Variants in CHD6 observed in about 807,000 individuals in gnomAD.
The protein encoded by CHD6 is ATP-dependent chromatin remodeler CHD6.
Under a neutral mutation model 276.9 loss-of-function variants are expected in CHD6, and 50 were observed. The observed-to-expected ratio is 0.18, with a 90% CI of 0.14 to 0.23. CHD6 has a LOEUF of 0.23. CHD6 is among the 10% of genes least tolerant of loss of function. The pLI, the probability that CHD6 is intolerant of heterozygous loss-of-function variation, is 1.00. For synonymous variants in CHD6, 1,173 were observed against 1,229.3 expected (o/e 0.95, Z 0.96); for missense variants, 2,564 against 3,365.8 (o/e 0.76, Z 5.89).
chr20:41,444,983 T>G (rs770519053), intron 25 of CHD6, among the ~76,000 whole-genome samples: 4 of 152,238 alleles, frequency 2.6e-5, no homozygotes, highest in Non-Finnish European at 4.4e-5. Flanking sequence ...AAAGTGTGTA[T>G]CAGGCATACT....
At chr20:41,613,438 G>T (rs2045907605) in intron 1 of CHD6, among the ~76,000 whole-genome samples, 1 of 152,192 alleles carries the variant, frequency 6.6e-6, no homozygotes, top group Admixed American at 6.5e-5. Flanking sequence ...GAGCCTCCAT[G>T]TCTCCCACTC....
At chr20:41,602,724 T>A (rs1438777718) in intron 1 of CHD6, among the ~76,000 whole-genome samples, 1 of 152,190 alleles carries the variant, frequency 6.6e-6, no homozygotes, top group Non-Finnish European at 1.5e-5. Context: ...AGTAAAACTT[T>A]TTTTGGAGAC....
intron 27 of CHD6, among the ~76,000 whole-genome samples, chr20:41,429,222 T>TC (rs1018939149): frequency 2.6e-5 from 4 of 152,190 alleles, no homozygotes; most frequent in African/African-American, 9.7e-5. Context: ...TGTGTTACTC[T>TC]CCCCACATAC....
chr20:41,503,693 C>T (rs2043893986), intron 5 of CHD6, among the ~76,000 whole-genome samples: 1 of 152,054 alleles, frequency 6.6e-6, no homozygotes, highest in Non-Finnish European at 1.5e-5. Context: ...TTGATATCTT[C>T]CATCAGTTTA....
intron 36 of CHD6, among the ~76,000 whole-genome samples, chr20:41,411,289 C>T (rs1052360393): frequency 5.9e-5 from 9 of 151,896 alleles, no homozygotes; most frequent in African/African-American, 2.2e-4. Flanking sequence ...CTAGGGTGGG[C>T]GGTCTTTTGG....
In CHD6 at chr20:41,508,461, G is replaced by A. The variant is rs142972236; in HGVS notation, c.852+4385C>T. On this transcript the variant is annotated intron_variant, in intron 5 of 36. Coordinates refer to ENST00000373233, the MANE Select transcript of CHD6 (RefSeq NM_032221.5). Reference sequence around the variant, plus strand: ...TTTTGGGAAAGTTATCCTGGTATCCGACTGGGGAGAGCAGAGACTTGTGGC... The same window carrying A: ...TTTTGGGAAAGTTATCCTGGTATCCAACTGGGGAGAGCAGAGACTTGTGGC... 2.6e-5 allele frequency among the ~76,000 whole-genome samples: 4 copies of A among 152,262 alleles called. No homozygotes were observed. In the East Asian group the frequency reaches 5.8e-4, roughly 22 times the overall value.
At chr20:41,617,240 G>A (rs1399410459) in intron 1 of CHD6, among the ~76,000 whole-genome samples, 1 of 152,086 alleles carries the variant, frequency 6.6e-6, no homozygotes, top group Non-Finnish European at 1.5e-5. Flanking sequence ...ACCTTGGCCA[G>A]ATTACTAATG....
chr20:41,410,364 A>G (rs1199727477), intron 36 of CHD6, among the ~76,000 whole-genome samples: 2 of 152,160 alleles, frequency 1.3e-5, no homozygotes, highest in Non-Finnish European at 2.9e-5. Flanking sequence ...CTCACCAGAT[A>G]CCCAATCTGT....
intron 17 of CHD6, among the ~76,000 whole-genome samples, chr20:41,468,393 A>C (rs2042978406): frequency 6.6e-6 from 1 of 152,132 alleles, no homozygotes; most frequent in Non-Finnish European, 1.5e-5. Flanking sequence ...TACAGGCATG[A>C]GCCACCGCGC....
chr20:41,457,034 A>G (rs2048396067), intron 18 of CHD6, among the ~76,000 whole-genome samples: 1 of 152,224 alleles, frequency 6.6e-6, no homozygotes, highest in Non-Finnish European at 1.5e-5. Context: ...TGTTACACCA[A>G]GCTGGGCAAT....
intron 3 of CHD6, among the ~76,000 whole-genome samples, chr20:41,518,256 T>C (rs867806770): frequency 4.6e-5 from 7 of 152,218 alleles, no homozygotes; most frequent in African/African-American, 1.7e-4. Context: ...TGTTTAACCT[T>C]CATTTTAAAT....
intron 27 of CHD6, among the ~76,000 whole-genome samples, chr20:41,427,451 C>T (rs1280707937): frequency 1.3e-5 from 2 of 152,188 alleles, no homozygotes; most frequent in Non-Finnish European, 2.9e-5. Context: ...GAAACCATTA[C>T]TATGCTCATT....
rs1459057806 is a variant in CHD6 at position 41,452,962 on chromosome 20, C to T, written c.3121-20G>A. On this transcript the variant is annotated intron_variant, in intron 20 of 36. Transcript: ENST00000373233. This position sits in a 1 kb window ranked among gnomAD's most constrained non-coding sequence, Gnocchi z 4.2. Reference sequence around the variant, plus strand: ...GCTTTCCTAGAAATGGAGAGGACTACTGGGAAGAAAGTCCTCTTTTCTCTA... The same window carrying T: ...GCTTTCCTAGAAATGGAGAGGACTATTGGGAAGAAAGTCCTCTTTTCTCTA... The T allele has an allele frequency of 1.3e-6, 2 of 1,594,572 alleles. No homozygotes were observed. The highest frequency in any genetic ancestry group is 1.1e-5 in the South Asian group (1 of 90,624).
At chr20:41,528,837 C>G (rs1309136921) in intron 3 of CHD6, among the ~76,000 whole-genome samples, 1 of 152,198 alleles carries the variant, frequency 6.6e-6, no homozygotes, top group East Asian at 1.9e-4. Context: ...TTAGAACAGA[C>G]ATGTTCAATA....
chr20:41,480,769 G>A (rs2043277011), intron 16 of CHD6, among the ~76,000 whole-genome samples: 1 of 152,154 alleles, frequency 6.6e-6, no homozygotes, highest in Non-Finnish European at 1.5e-5. Context: ...TGAGAAACTG[G>A]GGGAAGGTAG....
At chr20:41,617,118 T>C (rs188044951) in intron 1 of CHD6, among the ~76,000 whole-genome samples, 2 of 152,288 alleles carry the variant, frequency 1.3e-5, no homozygotes, top group Admixed American at 1.3e-4. Flanking sequence ...AAAATGTGTA[T>C]TTTCTGTGTT....
At chr20:41,563,667 C>T (rs2045325924) in intron 1 of CHD6, among the ~76,000 whole-genome samples, 2 of 152,288 alleles carry the variant, frequency 1.3e-5, no homozygotes, top group South Asian at 2.1e-4. Context: ...TTAAGAAGAA[C>T]AGTAGAAGCA....
intron 1 of CHD6, among the ~76,000 whole-genome samples, chr20:41,611,867 A>G (rs1385722796): frequency 1.3e-5 from 2 of 152,114 alleles, no homozygotes; most frequent in Non-Finnish European, 2.9e-5. Context: ...TGAATTCCTG[A>G]CCTCAGGTGA....
rs765063113 is a variant in CHD6, at chr20:41,512,972, T to C, written c.726A>G (p.Val242=). 2 of 1,614,086 alleles carry C rather than the reference T, an allele frequency of 1.2e-6. No individual in the cohort carries two copies. Among genetic ancestry groups the C allele is most frequent in the Non-Finnish European group, 1.7e-6 (2 of 1,179,948 alleles). ...GGTCCTCATTGTATTTTCTGCGCTT[T>C]ACTTGCCTTCCCGAGCGTCGTTTCT... is the stretch of plus-strand genomic sequence containing the variant. ...DSQKRRSGRQ[V]KRRKYNEDLD... is the part of the protein sequence containing the mutation. The change falls in exon 5 of 37, where the codon GTA becomes GTG. Residue 242 remains valine (V), a synonymous_variant. Transcript: ENST00000373233.
Sources: allele counts gnomAD v4.1 joint callset (sites outside exome capture counted in the v4.1 genomes callset), GRCh38; gene constraint gnomAD v4.1.1; non-coding constraint Gnocchi (gnomAD v3.1); transcripts MANE v1.5; gene names NCBI Gene and HGNC (gene_info 2026-07-23, HGNC 2026-07-21).